Variants in INSYN2B observed in about 807,000 individuals in gnomAD.
INSYN2B encodes the protein protein INSYN2B.
INSYN2B carries 16 observed loss-of-function variants against 41.2 expected under a neutral mutation model. The ratio of observed to expected loss-of-function variants is 0.39; its 90% CI spans 0.26 to 0.59. INSYN2B has a LOEUF of 0.59. Among genes scored for constraint, INSYN2B ranks in the 20% least tolerant of loss-of-function variants. The probability of loss-of-function intolerance (pLI) is 0.57; values close to 1 mark genes in which losing one functional copy is unlikely to be tolerated. For missense variants in INSYN2B, 608 were observed against 646.4 expected (o/e 0.94, Z 0.64); for synonymous variants, 245 against 244.4 (o/e 1.00, Z -0.02).
chr5:169,889,949 C>T (rs989420604), intron 1 of INSYN2B, among the ~76,000 whole-genome samples: 1 of 152,222 alleles, frequency 6.6e-6, no homozygotes, highest in Non-Finnish European at 1.5e-5. Flanking sequence ...CTTCTCTGAA[C>T]TTAGTAATAA....
chr5:169,925,172 G>C (rs1775368244), intron 1 of INSYN2B, among the ~76,000 whole-genome samples: 2 of 152,168 alleles, frequency 1.3e-5, no homozygotes, highest in African/African-American at 4.8e-5. Context: ...GGGGAAAGGG[G>C]ACTCTGTAGT....
At chr5:169,896,157 A>G (rs1264008010) in intron 1 of INSYN2B, among the ~76,000 whole-genome samples, 1 of 152,050 alleles carries the variant, frequency 6.6e-6, no homozygotes, top group African/African-American at 2.4e-5. Context: ...TGAAAGAGCC[A>G]GAAACCGTTG....
chr5:169,937,244 AAG>A (rs1561837759), intron 1 of INSYN2B, among the ~76,000 whole-genome samples: 2 of 152,352 alleles, frequency 1.3e-5, no homozygotes, highest in East Asian at 3.9e-4. Context: ...ATGGCTTGAA[AAG>A]CCTTCAACAT....
rs145250672 is a variant in INSYN2B, at chr5:169,883,222, G to A, written c.677C>T (p.Ser226Leu). 1.0e-5 allele frequency: 16 copies of A among 1,551,634 alleles called. No individual in the cohort carries two copies. In the East Asian group the frequency reaches 3.9e-4, roughly 38 times the overall value. ...GTGTATGGAGTTACTTACTTCAGCT[G>A]ACCTGTCTGGGCTGAGAGCAGACTC... is the stretch of plus-strand genomic sequence containing the variant. ...ARESALSPDR[S>L]AEVSNSIHPL... The change falls in exon 2 of 4, where the codon TCA becomes TTA. Residue 226 changes from serine to leucine, a missense_variant. By Grantham distance (145) the Ser-to-Leu change is moderately radical. Coordinates refer to ENST00000377365, the MANE Select transcript of INSYN2B (RefSeq NM_001129891.3).
intron 1 of INSYN2B, among the ~76,000 whole-genome samples, chr5:169,903,588 T>A (rs1774086910): frequency 6.6e-6 from 1 of 151,968 alleles, no homozygotes; most frequent in Non-Finnish European, 1.5e-5. Flanking sequence ...GGAAGTCACT[T>A]CAGGACACAG....
rs1328369287 is a variant in INSYN2B at position 169,883,210 on chromosome 5, C to T, written c.689G>A (p.Ser230Asn). The T allele has an allele frequency of 6.4e-7, 1 of 1,551,622 alleles. No individual in the cohort carries two copies. Among genetic ancestry groups the T allele is most frequent in the African/African-American group, 1.4e-5 (1 of 73,150 alleles). Residue 230 changes from serine to asparagine, a missense_variant, in exon 2 of 4, where the codon AGT (serine) becomes AAT (asparagine). Coordinates refer to ENST00000377365, the MANE Select transcript of INSYN2B (RefSeq NM_001129891.3). ...GTCATCCAAAGGGTGTATGGAGTTA[C>T]TTACTTCAGCTGACCTGTCTGGGCT... is the stretch of plus-strand genomic sequence containing the variant. The part of the protein sequence containing the change: ...ALSPDRSAEV[S>N]NSIHPLDDTR...
In INSYN2B at chr5:169,864,474, G is replaced by A; in HGVS notation, c.1422-15C>T. ...CATACTCTACACTGAAAAACACAGA[G>A]AGGAAGGAAGGAAAGTGAATTCGAA... On this transcript the variant is annotated splice_polypyrimidine_tract_variant and intron_variant, in intron 3 of 3. Transcript: ENST00000377365. 1 of 1,507,816 alleles carries A rather than the reference G, an allele frequency of 6.6e-7. No individual in the cohort carries two copies. The allele number at this position is 1,507,816 out of a possible 1,614,324, so 93.4% of individuals were successfully genotyped here. A position where few individuals can be genotyped will look rare whatever the true frequency, so the allele number is the denominator to read the frequency against.
chr5:169,895,445 G>A (rs1337664776), intron 1 of INSYN2B, among the ~76,000 whole-genome samples: 2 of 152,004 alleles, frequency 1.3e-5, no homozygotes, highest in African/African-American at 2.4e-5. Flanking sequence ...GGGACAGGGG[G>A]TGGTCTCACT....
At chr5:169,939,673 A>G (rs1446197147) in intron 1 of INSYN2B, among the ~76,000 whole-genome samples, 1 of 152,188 alleles carries the variant, frequency 6.6e-6, no homozygotes, top group African/African-American at 2.4e-5. Flanking sequence ...GGAATTTTTC[A>G]GCTCCATTCC....
chr5:169,930,226 G>C (rs1481743160), intron 1 of INSYN2B, among the ~76,000 whole-genome samples: 1 of 152,156 alleles, frequency 6.6e-6, no homozygotes, highest in Admixed American at 6.5e-5. Context: ...TCCTGACCTT[G>C]TGATCCGCCT....
intron 1 of INSYN2B, among the ~76,000 whole-genome samples, chr5:169,939,658 A>T (rs1400355901): frequency 6.6e-6 from 1 of 152,092 alleles, no homozygotes; most frequent in African/African-American, 2.4e-5. Flanking sequence ...TGCCACTAGG[A>T]GGTAGGAATT....
intron 1 of INSYN2B, among the ~76,000 whole-genome samples, chr5:169,954,030 C>T: frequency 6.6e-6 from 1 of 152,318 alleles, no homozygotes; most frequent in African/African-American, 2.4e-5. Context: ...TACTCTGGTT[C>T]TAGAGCAATC....
intron 3 of INSYN2B, among the ~76,000 whole-genome samples, chr5:169,868,823 G>T (rs967929476): frequency 2.0e-5 from 3 of 152,130 alleles, no homozygotes; most frequent in African/African-American, 7.2e-5. Context: ...TGCAGGCCTG[G>T]GTAGAAAAGA....
At chr5:169,896,540 T>TAA (rs1773620827) in intron 1 of INSYN2B, among the ~76,000 whole-genome samples, 1 of 152,236 alleles carries the variant, frequency 6.6e-6, no homozygotes, top group Non-Finnish European at 1.5e-5. Context: ...AAGCTGGCTG[T>TAA]AAGATTTAAA....
At chr5:169,971,428 CTTTTT>C (rs34124700) in intron 1 of INSYN2B, among the ~76,000 whole-genome samples, 14 of 135,194 alleles carry the variant, frequency 1.0e-4, no homozygotes, top group Non-Finnish European at 1.4e-4. Context: ...CTCCTAGAGC[CTTTTT>C]TTTTTTTTTT....
chr5:169,864,405 A>G lies in INSYN2B; in HGVS notation c.1476T>C (p.Ser492=). The part of the protein sequence containing the change: ...QEGRFHEVLQ[S]LEEAEPVEEA... The stretch of plus-strand genomic sequence containing the variant: ...CCTCAACTGGCTCTGCTTCCTCCAG[A>G]CTCTGCAAAACTTCATGGAACCTGC... The change falls in exon 4 of 4, where the codon AGT becomes AGC. Residue 492 remains serine, a synonymous_variant. Coordinates refer to ENST00000377365, the MANE Select transcript of INSYN2B (RefSeq NM_001129891.3). The G allele has an allele frequency of 6.4e-7, 1 of 1,550,688 alleles. No individual in the cohort carries two copies. The highest frequency in any genetic ancestry group is 1.2e-5 in the South Asian group (1 of 83,926).
intron 1 of INSYN2B, among the ~76,000 whole-genome samples, chr5:169,897,611 C>T (rs151223398): frequency 9.5e-4 from 145 of 152,290 alleles, no homozygotes; most frequent in Non-Finnish European, 1.9e-3. Context: ...GAGACAGAAC[C>T]ACAGCCCCAT....
chr5:169,925,654 G>A (rs768397989), intron 1 of INSYN2B, among the ~76,000 whole-genome samples: 1 of 148,132 alleles, frequency 6.8e-6, no homozygotes, highest in Admixed American at 6.8e-5. Context: ...GATTGGTTGT[G>A]TGACCTGTGG....
At chr5:169,971,552 C>T (rs80069508) in intron 1 of INSYN2B, among the ~76,000 whole-genome samples, 1,658 of 152,046 alleles carry the variant, frequency 0.011, 16 homozygotes, top group South Asian at 0.016. Flanking sequence ...TGAGTTCAGC[C>T]TCATAGGATT....
Sources: allele counts gnomAD v4.1 joint callset (sites outside exome capture counted in the v4.1 genomes callset), GRCh38; gene constraint gnomAD v4.1.1; transcripts MANE v1.5; gene names NCBI Gene and HGNC (gene_info 2026-07-23, HGNC 2026-07-21).